Variants in GPHN observed in about 807,000 individuals in gnomAD.
GPHN encodes gephyrin.
GPHN carries 17 observed loss-of-function variants against 95.5 expected under a neutral mutation model. The ratio of observed to expected loss-of-function variants is 0.18; its 90% confidence interval spans 0.12 to 0.27. The LOEUF is 0.27. GPHN is among the 10% of genes least tolerant of loss of function. GPHN has a pLI of 1.00. For synonymous variants in GPHN, 320 were observed against 322.5 expected (o/e 0.99, Z 0.08); for missense variants, 660 against 978.1 (o/e 0.67, Z 4.34).
chr14:67,166,908 A>G (rs748636260), intron 20 of GPHN, among the ~76,000 whole-genome samples: 21 of 152,200 alleles, frequency 1.4e-4, no homozygotes, highest in Non-Finnish European at 2.9e-4. Context: ...AGCTCAAGCC[A>G]TCCACCTGTC....
intron 1 of GPHN, among the ~76,000 whole-genome samples, chr14:66,597,363 C>T (rs2062026815): frequency 6.6e-6 from 1 of 152,194 alleles, no homozygotes; most frequent in Admixed American, 6.5e-5. Context: ...GGTTGGTTCA[C>T]AAGAGCAAGC....
At chr14:66,637,728 A>C (rs2064175970) in intron 1 of GPHN, among the ~76,000 whole-genome samples, 1 of 152,152 alleles carries the variant, frequency 6.6e-6, no homozygotes, top group Non-Finnish European at 1.5e-5. Context: ...GAATATGTAT[A>C]ATACAGTGTA....
chr14:67,477,071 C>G, the GPHN span, among the ~76,000 whole-genome samples: 2 of 151,768 alleles, frequency 1.3e-5, no homozygotes, highest in South Asian at 4.1e-4. Flanking sequence ...GAGGCTGAGA[C>G]AGGAGAACCG....
At chr14:67,419,757 G>T in the GPHN span, among the ~76,000 whole-genome samples, 1 of 151,944 alleles carries the variant, frequency 6.6e-6, no homozygotes, top group African/African-American at 2.4e-5. Context: ...GCTGAGGCAG[G>T]AGAATGGCGT....
chr14:66,625,894 T>A (rs996861476), intron 1 of GPHN, among the ~76,000 whole-genome samples: 1 of 152,206 alleles, frequency 6.6e-6, no homozygotes, highest in Non-Finnish European at 1.5e-5. Context: ...TTCTATGTAA[T>A]AGGACAGGCC....
At chr14:67,563,813 A>C in the GPHN span, among the ~76,000 whole-genome samples, 1 of 148,794 alleles carries the variant, frequency 6.7e-6, no homozygotes, top group African/African-American at 2.5e-5. Flanking sequence ...GGCTCACTGC[A>C]ACCTCCGCCT....
At chr14:67,185,635 T>C (rs1334405526), downstream of GPHN, among the ~76,000 whole-genome samples, 2 of 144,736 alleles carry the variant, frequency 1.4e-5, no homozygotes, top group Non-Finnish European at 3.1e-5. Context: ...GTTCTATGTT[T>C]GGTTGTTTCA....
At chr14:67,185,515 C>G (rs192151562), downstream of GPHN, among the ~76,000 whole-genome samples, 1 of 152,274 alleles carries the variant, frequency 6.6e-6, no homozygotes, top group Admixed American at 6.5e-5. Flanking sequence ...TGTTACAAGT[C>G]TTTTTTGTCA....
the GPHN span, chr14:67,722,858 A>G: frequency 1.3e-6 from 1 of 767,348 alleles, no homozygotes; most frequent in Non-Finnish European, 2.3e-6. Context: ...GGTGTTGTGG[A>G]TACCATGGTG....
At chr14:67,256,678 G>C in the GPHN span, among the ~76,000 whole-genome samples, 113 of 152,122 alleles carry the variant, frequency 7.4e-4, no homozygotes, top group African/African-American at 2.7e-3. Flanking sequence ...CTCCCAAGTA[G>C]CTGGGATTAC....
chr14:67,327,710 G>C, the GPHN span, among the ~76,000 whole-genome samples: 705 of 151,786 alleles, frequency 4.6e-3, 5 homozygotes, highest in African/African-American at 0.016. Context: ...TCATTGTTCA[G>C]TTCCCACTTA....
chr14:67,692,554 C>G, the GPHN span: 1 of 1,608,322 alleles, frequency 6.2e-7, no homozygotes, highest in Non-Finnish European at 8.5e-7. Flanking sequence ...CACCAATTCC[C>G]CCTTTTCCAC....
At position 66,679,226 on chromosome 14, in the gene GPHN, T is replaced by C. The variant is rs181397617; in HGVS notation, c.65-1881T>C. 4.4e-4 allele frequency among the ~76,000 whole-genome samples: 67 copies of C among 152,376 alleles called. No individual in the cohort carries two copies. In the East Asian group the frequency reaches 0.012, roughly 28 times the overall value. On this transcript the variant is annotated intron_variant, in intron 1 of 22. Transcript: ENST00000478722. ...GGATATTTTATCAAGGTACAAACTT[T>C]TGGATTCAATTTATCTCAAGTATTT...
chr14:66,997,475 A>C (rs1258442156), intron 9 of GPHN, among the ~76,000 whole-genome samples: 1 of 151,954 alleles, frequency 6.6e-6, no homozygotes, highest in African/African-American at 2.4e-5. Flanking sequence ...AGGCCACTGT[A>C]GCTACCATAT....
chr14:66,704,006 AG>A (rs1239527963), intron 2 of GPHN, among the ~76,000 whole-genome samples: 1 of 151,990 alleles, frequency 6.6e-6, no homozygotes, highest in Non-Finnish European at 1.5e-5. Flanking sequence ...AAAAAAGGGC[AG>A]GAGTTGCAAT....
intron 10 of GPHN, among the ~76,000 whole-genome samples, chr14:67,054,078 T>C (rs1408450246): frequency 6.6e-6 from 1 of 152,070 alleles, no homozygotes; most frequent in Non-Finnish European, 1.5e-5. Context: ...CTCTCACCAC[T>C]CCTATTCAAC....
At chr14:67,537,382 A>AATAATAATAAT in the GPHN span, among the ~76,000 whole-genome samples, 9 of 93,446 alleles carry the variant, frequency 9.6e-5, no homozygotes, top group South Asian at 3.4e-4. Flanking sequence ...ATAATAATAA[A>AATAATAATAAT]AACTTAATCT....
At chr14:67,687,875 G>A in the GPHN span, among the ~76,000 whole-genome samples, 1 of 151,268 alleles carries the variant, frequency 6.6e-6, no homozygotes, top group Non-Finnish European at 1.5e-5. Flanking sequence ...AGGTTCAGGC[G>A]ATTCTCCTGC....
intron 5 of GPHN, among the ~76,000 whole-genome samples, chr14:66,887,904 C>T (rs2064282510): frequency 6.6e-6 from 1 of 152,034 alleles, no homozygotes; most frequent in Non-Finnish European, 1.5e-5. Flanking sequence ...AGACATGAAA[C>T]TCCTAAGAAC....
Sources: allele counts gnomAD v4.1 joint callset (sites outside exome capture counted in the v4.1 genomes callset), GRCh38; gene constraint gnomAD v4.1.1; transcripts MANE v1.5; gene names NCBI Gene and HGNC (gene_info 2026-07-23, HGNC 2026-07-21).